The following CADPS variants were observed in gnomAD, a reference collection of about 807,000 sequenced individuals.
CADPS encodes the protein calcium-dependent secretion activator 1.
Under a neutral mutation model 167.3 loss-of-function variants are expected in CADPS, and 57 were observed. The observed-to-expected ratio is 0.34, with a 90% CI of 0.28 to 0.42. The LOEUF (loss-of-function observed/expected upper bound fraction) is 0.42. Among genes scored for constraint, CADPS ranks in the 20% least tolerant of loss-of-function variants. The probability of loss-of-function intolerance (pLI) is 1.00; values close to 1 mark genes in which losing one functional copy is unlikely to be tolerated. For missense variants in CADPS, 1,414 were observed against 1,738.1 expected (o/e 0.81, Z 3.32); for synonymous variants, 676 against 635.3 (o/e 1.06, Z -0.96).
At chr3:62,592,097 T>A (rs2086182959) in intron 7 of CADPS, among the ~76,000 whole-genome samples, 1 of 152,110 alleles carries the variant, frequency 6.6e-6, no homozygotes, top group Non-Finnish European at 1.5e-5. Context: ...GGCTTAGGAG[T>A]CACCACTACA....
intron 1 of CADPS, among the ~76,000 whole-genome samples, chr3:62,795,479 A>C (rs2093343260): frequency 6.6e-6 from 1 of 152,136 alleles, no homozygotes; most frequent in Non-Finnish European, 1.5e-5. Flanking sequence ...ACAAATACAT[A>C]AATTTGCTTC....
intron 21 of CADPS, among the ~76,000 whole-genome samples, chr3:62,483,958 A>G (rs1240586199): frequency 1.3e-5 from 2 of 152,270 alleles, no homozygotes; most frequent in African/African-American, 2.4e-5. Context: ...CTAGGAGTGC[A>G]TAACATACAA....
chr3:62,583,489 T>C (rs1478901771), intron 8 of CADPS, among the ~76,000 whole-genome samples: 2 of 152,140 alleles, frequency 1.3e-5, no homozygotes, highest in Non-Finnish European at 2.9e-5. Flanking sequence ...CTGGTTGTAC[T>C]TCATCCTGGA....
At chr3:62,731,598 C>T (rs2077813669) in intron 3 of CADPS, among the ~76,000 whole-genome samples, 1 of 151,864 alleles carries the variant, frequency 6.6e-6, no homozygotes, top group African/African-American at 2.4e-5. Flanking sequence ...TTCTAAACTT[C>T]TGAAAAGCCA....
At chr3:62,870,338 A>G (rs780545302) in intron 1 of CADPS, among the ~76,000 whole-genome samples, 2 of 152,174 alleles carry the variant, frequency 1.3e-5, no homozygotes, top group African/African-American at 2.4e-5. Flanking sequence ...GCCTCAAAAT[A>G]TATCTGAGTA....
intron 3 of CADPS, among the ~76,000 whole-genome samples, chr3:62,707,421 G>C (rs1441322890): frequency 6.6e-6 from 1 of 152,088 alleles, no homozygotes; most frequent in Non-Finnish European, 1.5e-5. Context: ...AAAATTCATA[G>C]GACTACATCA....
intron 3 of CADPS, among the ~76,000 whole-genome samples, chr3:62,703,176 T>G (rs141508682): frequency 6.6e-6 from 1 of 152,198 alleles, no homozygotes; most frequent in Non-Finnish European, 1.5e-5. Context: ...TAATGCAGTT[T>G]ACTCTTTAAA....
chr3:62,452,750 T>C (rs2058231351), intron 26 of CADPS, among the ~76,000 whole-genome samples: 1 of 152,180 alleles, frequency 6.6e-6, no homozygotes, highest in Admixed American at 6.6e-5. Context: ...AAGTGGATGA[T>C]GTAAAGTGAG....
intron 1 of CADPS, among the ~76,000 whole-genome samples, chr3:62,813,928 T>C (rs532279283): frequency 2.0e-5 from 3 of 152,220 alleles, no homozygotes; most frequent in East Asian, 1.9e-4. Context: ...TAAATTTTTA[T>C]TGAACGAACA....
chr3:62,626,618 C>G (rs1239018732), intron 6 of CADPS: 2 of 699,088 alleles, frequency 2.9e-6, no homozygotes, highest in Non-Finnish European at 2.6e-6. Context: ...CTTAAATTTG[C>G]TAAGCCTTTT....
At chr3:62,799,251 G>A (rs912983322) in intron 1 of CADPS, among the ~76,000 whole-genome samples, 1 of 152,126 alleles carries the variant, frequency 6.6e-6, no homozygotes, top group Admixed American at 6.6e-5. Context: ...AAATGAGGGG[G>A]TTACTGGTTC....
chr3:62,623,072 G>C (rs890088618), intron 6 of CADPS, among the ~76,000 whole-genome samples: 1 of 152,132 alleles, frequency 6.6e-6, no homozygotes, highest in African/African-American at 2.4e-5. Flanking sequence ...AACAAACTTT[G>C]ATTCTGTTTT....
chr3:62,572,581 A>G (rs948551363), intron 8 of CADPS, among the ~76,000 whole-genome samples: 5 of 152,124 alleles, frequency 3.3e-5, no homozygotes, highest in Admixed American at 2.0e-4. Flanking sequence ...CTTACATTTC[A>G]TCATTGGTCC....
At chr3:62,401,256 C>T (rs1462179536) in intron 29 of CADPS, among the ~76,000 whole-genome samples, 1 of 152,020 alleles carries the variant, frequency 6.6e-6, no homozygotes, top group Non-Finnish European at 1.5e-5. Flanking sequence ...TGTTCTGTTG[C>T]CACTTAGAAT....
chr3:62,509,658 C>A (rs778242079), intron 17 of CADPS, among the ~76,000 whole-genome samples: 1 of 152,154 alleles, frequency 6.6e-6, no homozygotes, highest in Non-Finnish European at 1.5e-5. Flanking sequence ...GTCCTCAGTT[C>A]TTGGACAACC....
At chr3:62,740,347 A>T (rs2079941727) in intron 3 of CADPS, among the ~76,000 whole-genome samples, 1 of 152,234 alleles carries the variant, frequency 6.6e-6, no homozygotes, top group Non-Finnish European at 1.5e-5. Context: ...CAAAGCAAGC[A>T]TGATGGCTGG....
chr3:62,847,261 CTTTT>C lies in CADPS; in HGVS notation c.441+27324_441+27327del, dbSNP rs202175985. Among the ~76,000 whole-genome samples, 57 of 133,056 alleles carry C rather than the reference CTTTT, an allele frequency of 4.3e-4. 1 individual carries two copies. The highest frequency in any genetic ancestry group is 1.1e-3 in the East Asian group (5 of 4,474). The allele number at this position is 133,056 out of a possible 152,430, so 87.3% of individuals were successfully genotyped here. ...AGTTACCAAATCCCAGCAGCATTTT[CTTTT>C]TTTTTTTTTTTTTAACTTTTTTTTT... On this transcript the variant is annotated intron_variant, in intron 1 of 29. Transcript: ENST00000383710.
At chr3:62,450,947 C>G (rs1233042748) in intron 26 of CADPS, among the ~76,000 whole-genome samples, 1 of 152,140 alleles carries the variant, frequency 6.6e-6, no homozygotes, top group Non-Finnish European at 1.5e-5. Context: ...TTGGACCTCC[C>G]ATTCCCTAAG....
At chr3:62,716,799 T>C (rs1470946956) in intron 3 of CADPS, among the ~76,000 whole-genome samples, 1 of 152,210 alleles carries the variant, frequency 6.6e-6, no homozygotes, top group Non-Finnish European at 1.5e-5. Flanking sequence ...AATTAGTAGA[T>C]ACTTTGGAGA....
Sources: gnomAD v4.1 joint callset for allele counts (sites outside exome capture counted in the v4.1 genomes callset) on GRCh38, gnomAD v4.1.1 for gene constraint, MANE v1.5 for transcripts, NCBI Gene and HGNC (gene_info 2026-07-23, HGNC 2026-07-21) for gene names.